CHST10: variants seen among roughly 807,000 people sequenced by gnomAD.
The protein encoded by CHST10 is HNK-1 sulfotransferase.
CHST10 carries 24 observed loss-of-function variants against 34.7 expected under a neutral mutation model. That is an observed-to-expected ratio of 0.69 (90% CI 0.50 to 0.97). CHST10 has a LOEUF of 0.97. Ranked by LOEUF, CHST10 falls within the 50% of genes least tolerant of loss-of-function variation. The pLI is 0.00. For synonymous variants in CHST10, 161 were observed against 169.3 expected (o/e 0.95, Z 0.38); for missense variants, 402 against 452.1 (o/e 0.89, Z 1.00).
At chr2:100,402,680 C>A (rs772939235) in intron 3 of CHST10, 25 bp from the exon 4 acceptor site, 4 of 1,605,326 alleles carry the variant, frequency 2.5e-6, no homozygotes, top group East Asian at 4.5e-5. Flanking sequence ...GGTTGAATGT[C>A]TTCTCTAAAA....
At position 100,393,542 on chromosome 2, in the gene CHST10, G is replaced by A. The variant is rs375736968; in HGVS notation, c.774C>T (p.Asp258=). The change falls in exon 7 of 7, where the codon GAC becomes GAT. Residue 258 remains aspartate, a synonymous_variant. Transcript: ENST00000264249. ...NHRWLDLQFG[D]HIIHWVTYVE... Reference sequence around the variant, plus strand: ...CATACGTCACCCAGTGAATGATGTGGTCCCCAAACTGAAGGTCTAGCCATC... The same window carrying A: ...CATACGTCACCCAGTGAATGATGTGATCCCCAAACTGAAGGTCTAGCCATC... 1 of 1,613,972 alleles carries A rather than the reference G, an allele frequency of 6.2e-7. No homozygotes were observed. Among genetic ancestry groups the A allele is most frequent in the Non-Finnish European group, 8.5e-7 (1 of 1,180,046 alleles).
intron 4 of CHST10, among the ~76,000 whole-genome samples, chr2:100,399,371 C>T (rs1157436941): frequency 2.6e-5 from 4 of 152,230 alleles, no homozygotes; most frequent in Non-Finnish European, 4.4e-5. Context: ...TCCCAAAGTG[C>T]TGGGATTACA....
At chr2:100,417,053 C>T in intron 1 of CHST10, 1 of 1,304,200 alleles carries the variant, frequency 7.7e-7, no homozygotes, top group Non-Finnish European at 1.0e-6. Flanking sequence ...AAGCTGAACC[C>T]TTTCTTCCTC....
In CHST10 at chr2:100,414,872, C is replaced by T. The variant is rs189038328; in HGVS notation, c.-33+169G>A. On this transcript the variant is annotated intron_variant, in intron 2 of 6. Coordinates refer to ENST00000264249, the MANE Select transcript of CHST10 (RefSeq NM_004854.5). ...CTCAGCAGGTACTAACTCACATAATCCCAGCCTCAGAGCATGCTCCTATTA... is the reference window on the plus strand; with the variant it reads ...CTCAGCAGGTACTAACTCACATAATTCCAGCCTCAGAGCATGCTCCTATTA... Among the ~76,000 whole-genome samples the T allele has an allele frequency of 7.3e-3, 1,108 of 152,286 alleles. 7 individuals carry two copies. The highest frequency in any genetic ancestry group is 0.012 in the Admixed American group (186 of 15,296).
intron 2 of CHST10, 59 bp from the exon 3 acceptor site, chr2:100,406,766 G>C: frequency 7.9e-5 from 108 of 1,368,670 alleles, no homozygotes; most frequent in East Asian, 1.5e-4. Context: ...CAACAAAGAG[G>C]AATGAAAACG....
chr2:100,400,195 G>T (rs1355061847), intron 4 of CHST10, among the ~76,000 whole-genome samples: 1 of 152,194 alleles, frequency 6.6e-6, no homozygotes, highest in Non-Finnish European at 1.5e-5. Context: ...TTTGAACAAA[G>T]AAAAGATATT....
At chr2:100,395,849 C>T (rs1487610600) in intron 5 of CHST10, among the ~76,000 whole-genome samples, 1 of 152,166 alleles carries the variant, frequency 6.6e-6, no homozygotes, top group African/African-American at 2.4e-5. Context: ...CTGATGATTT[C>T]AGGGAGGAGG....
chr2:100,411,803 G>T (rs1463169807), intron 2 of CHST10, among the ~76,000 whole-genome samples: 2 of 152,210 alleles, frequency 1.3e-5, no homozygotes, highest in Non-Finnish European at 2.9e-5. Context: ...TTGATGGTGT[G>T]AGAGGGACAT....
intron 3 of CHST10, 110 bp downstream of exon 3, chr2:100,406,466 A>C: frequency 1.4e-6 from 2 of 1,389,786 alleles, no homozygotes; most frequent in Non-Finnish European, 9.8e-7. Flanking sequence ...CCCTGCTGGC[A>C]TGAAAGTCCT....
At chr2:100,411,699 G>A (rs895437903) in intron 2 of CHST10, among the ~76,000 whole-genome samples, 1 of 152,200 alleles carries the variant, frequency 6.6e-6, no homozygotes, top group Non-Finnish European at 1.5e-5. Context: ...ATATGACCCT[G>A]AGTCCCTAAC....
chr2:100,401,924 C>G (rs928687058), intron 4 of CHST10, among the ~76,000 whole-genome samples: 1 of 152,168 alleles, frequency 6.6e-6, no homozygotes, highest in Non-Finnish European at 1.5e-5. Flanking sequence ...GCAACTTCAA[C>G]CCTCTAGATC....
At chr2:100,400,359 C>G (rs1675283847) in intron 4 of CHST10, among the ~76,000 whole-genome samples, 1 of 152,148 alleles carries the variant, frequency 6.6e-6, no homozygotes, top group African/African-American at 2.4e-5. Flanking sequence ...CCCACCTCAG[C>G]CTCCCAAGTA....
chr2:100,397,935 A>G lies in CHST10; in HGVS notation c.400T>C (p.Trp134Arg). ...CQTPKVGNTQ[W>R]KKVLIVLNGA... ...TTTAGAACAATCAGCACTTTCTTCCACTGGGTGTTGCCCACTTTGGGAGTC... is the reference window on the plus strand; with the variant it reads ...TTTAGAACAATCAGCACTTTCTTCCGCTGGGTGTTGCCCACTTTGGGAGTC... The change falls in exon 5 of 7, where the codon TGG (tryptophan) becomes CGG (arginine). Residue 134 changes from tryptophan (W) to arginine (R), a missense_variant. By Grantham distance (101) the Trp-to-Arg change is moderately radical. Coordinates refer to ENST00000264249, the MANE Select transcript of CHST10 (RefSeq NM_004854.5). 1 of 1,613,792 alleles carries G rather than the reference A, an allele frequency of 6.2e-7. No individual in the cohort carries two copies. Among genetic ancestry groups the G allele is most frequent in the East Asian group, 2.2e-5 (1 of 44,854 alleles).
At chr2:100,409,139 T>C (rs1675709164) in intron 2 of CHST10, among the ~76,000 whole-genome samples, 1 of 152,162 alleles carries the variant, frequency 6.6e-6, no homozygotes, top group Admixed American at 6.5e-5. Flanking sequence ...CACTGCCTGC[T>C]CTGCTCATTC....
At position 100,393,659 on chromosome 2, in the gene CHST10, A is replaced by G; in HGVS notation, c.657T>C (p.Pro219=). 6.2e-7 allele frequency: 1 copy of G among 1,614,192 alleles called. No individual in the cohort carries two copies. The highest frequency in any genetic ancestry group is 8.5e-7 in the Non-Finnish European group (1 of 1,180,036). Residue 219 remains proline (P), a synonymous_variant, in exon 7 of 7, where the codon CCT becomes CCC. Coordinates refer to ENST00000264249, the MANE Select transcript of CHST10 (RefSeq NM_004854.5). The stretch of plus-strand genomic sequence containing the variant: ...TCCTCCTGTATTTTCTGATGATGCC[A>G]GGAGCAATCTCATGCCTGTACCAAG... ...FEPWYRHEIA[P]GIIRKYRRNR...
rs150696096 is a variant in CHST10, at chr2:100,411,909, G to A, written c.-33+3132C>T. On this transcript the variant is annotated intron_variant, in intron 2 of 6. Transcript: ENST00000264249. ...GGTGAAGGGCAGGGTTCCAGGCCAAGGGAATGGGCCCCTGAGTAACTAAAC... is the reference window on the plus strand; with the variant it reads ...GGTGAAGGGCAGGGTTCCAGGCCAAAGGAATGGGCCCCTGAGTAACTAAAC... Among the ~76,000 whole-genome samples the A allele has an allele frequency of 1.4e-4, 22 of 152,336 alleles. 1 individual carries two copies. In the East Asian group the frequency reaches 4.3e-3, roughly 29 times the overall value.
intron 3 of CHST10, among the ~76,000 whole-genome samples, chr2:100,405,761 C>T (rs1337486460): frequency 1.3e-5 from 2 of 152,232 alleles, no homozygotes; most frequent in Non-Finnish European, 2.9e-5. Flanking sequence ...CAATCCACGG[C>T]ACAAATGAGG....
Position 100,417,484 on chromosome 2 carries a change from G to C in CHST10, c.-214C>G, listed in dbSNP as rs977094155. The C allele has an allele frequency of 1.3e-5, 2 of 153,830 alleles. No individual in the cohort carries two copies. Among genetic ancestry groups the C allele is most frequent in the Admixed American group, 6.5e-5 (1 of 15,346 alleles). 9.5% of individuals were successfully genotyped at this position (153,830 alleles called of 1,614,324 possible). A position where few individuals can be genotyped will look rare whatever the true frequency, so the allele number is the denominator to read the frequency against. On this transcript the variant is annotated 5_prime_UTR_variant, in exon 1 of 7. Transcript: ENST00000264249. ...GGGCGAAGCGCGCGGGGTCCTGGGA[G>C]CTCGGGAGGCCCGCCCCACCTTGCC...
At chr2:100,406,817 C>T (rs529272265) in intron 2 of CHST10, 110 bp from the exon 3 acceptor site, 14 of 1,361,426 alleles carry the variant, frequency 1.0e-5, no homozygotes, top group South Asian at 1.4e-5. Flanking sequence ...CAAATATTTC[C>T]GTTTTTTTCC....
Sources: gnomAD v4.1 joint callset for allele counts (sites outside exome capture counted in the v4.1 genomes callset) on GRCh38, gnomAD v4.1.1 for gene constraint, MANE v1.5 for transcripts, NCBI Gene and HGNC (gene_info 2026-07-23, HGNC 2026-07-21) for gene names.